Variants in CRTAC1 observed in about 807,000 individuals in gnomAD.
CRTAC1 encodes acidic secreted protein in cartilage.
In CRTAC1, 37 loss-of-function variants were observed where a neutral mutation model predicts 67.8. The ratio of observed to expected loss-of-function variants is 0.55; its 90% CI spans 0.42 to 0.72. The LOEUF is 0.72. CRTAC1 is among the 30% of genes least tolerant of loss of function. The probability of loss-of-function intolerance (pLI) is 0.00; values close to 1 mark genes in which losing one functional copy is unlikely to be tolerated. For missense variants in CRTAC1, 780 were observed against 931.6 expected, an observed-to-expected ratio of 0.84 and a Z score of 2.12; for synonymous variants, 348 against 371.0, an observed-to-expected ratio of 0.94 and a Z score of 0.71.
In CRTAC1 at chr10:98,008,416, A is replaced by AG. The variant is rs1164318871; in HGVS notation, c.224+2721dup. Among the ~76,000 whole-genome samples the AG allele has an allele frequency of 9.2e-4, 22 of 23,878 alleles. 1 individual carries two copies. The highest frequency in any genetic ancestry group is 3.5e-3 in the African/African-American group (22 of 6,202). The allele number at this position is 23,878 out of a possible 152,430, so 15.7% of individuals were successfully genotyped here. ...GAACCATGGGAAAAGAGTACAAAAG[A>AG]GTGGGGGGTGGGGTGGGGGGGCACC... On this transcript the variant is annotated intron_variant, in intron 2 of 14. Coordinates refer to ENST00000370597, the MANE Select transcript of CRTAC1 (RefSeq NM_018058.7).
chr10:97,983,553 A>G (rs934640060), intron 2 of CRTAC1, among the ~76,000 whole-genome samples: 13 of 152,222 alleles, frequency 8.5e-5, no homozygotes, highest in African/African-American at 3.1e-4. Flanking sequence ...AGAAATTTCA[A>G]GACACCAAGG....
chr10:97,978,768 C>G (rs1250092010), intron 2 of CRTAC1, among the ~76,000 whole-genome samples: 1 of 152,206 alleles, frequency 6.6e-6, no homozygotes, highest in Non-Finnish European at 1.5e-5. Flanking sequence ...GTCACTCACT[C>G]TGACTTGCTG....
At chr10:97,928,834 A>C (rs549195436) in intron 3 of CRTAC1, among the ~76,000 whole-genome samples, 4 of 152,118 alleles carry the variant, frequency 2.6e-5, no homozygotes, top group Admixed American at 2.6e-4. Flanking sequence ...TGGAGGAGGC[A>C]AAGCATGGCA....
At chr10:97,980,357 G>C (rs923677105) in intron 2 of CRTAC1, among the ~76,000 whole-genome samples, 1 of 152,172 alleles carries the variant, frequency 6.6e-6, no homozygotes, top group Non-Finnish European at 1.5e-5. Flanking sequence ...GCAAAGTTTG[G>C]ACATGGTCCA....
At chr10:97,884,578 G>A (rs1208224041) in intron 11 of CRTAC1, 19 of 513,606 alleles carry the variant, frequency 3.7e-5, no homozygotes, top group Non-Finnish European at 6.2e-5. Flanking sequence ...CATCTGTGCT[G>A]TCCAGTACAG....
At chr10:97,885,353 CA>C (rs1246520892) in intron 11 of CRTAC1, among the ~76,000 whole-genome samples, 5 of 152,030 alleles carry the variant, frequency 3.3e-5, no homozygotes, top group South Asian at 2.1e-4. Context: ...TAAAAACAAA[CA>C]AAAAACAACT....
chr10:97,947,491 C>T (rs779977188), intron 2 of CRTAC1, among the ~76,000 whole-genome samples: 10 of 152,128 alleles, frequency 6.6e-5, no homozygotes, highest in Admixed American at 1.3e-4. Context: ...TTAGGGAATA[C>T]GGGGTAGACT....
chr10:97,937,206 C>T (rs1208609135), intron 2 of CRTAC1, among the ~76,000 whole-genome samples: 1 of 152,236 alleles, frequency 6.6e-6, no homozygotes, highest in Non-Finnish European at 1.5e-5. Flanking sequence ...AAGCCCCAGG[C>T]ACTTTCTTGC....
At chr10:97,978,603 G>A (rs1160405582) in intron 2 of CRTAC1, among the ~76,000 whole-genome samples, 1 of 152,158 alleles carries the variant, frequency 6.6e-6, no homozygotes, top group Admixed American at 6.5e-5. Flanking sequence ...TGACACTGGA[G>A]TTGATGGCTT....
chr10:97,970,796 G>A (rs2051697028), intron 2 of CRTAC1, among the ~76,000 whole-genome samples: 1 of 152,236 alleles, frequency 6.6e-6, no homozygotes, highest in African/African-American at 2.4e-5. Context: ...TCTCTCCAAT[G>A]CCTAGATAGT....
chr10:97,892,114 G>A (rs896778091), intron 11 of CRTAC1, among the ~76,000 whole-genome samples: 5 of 152,084 alleles, frequency 3.3e-5, no homozygotes, highest in African/African-American at 1.2e-4. Context: ...AGTGTGGGGA[G>A]TAGGTGCCCA....
intron 2 of CRTAC1, among the ~76,000 whole-genome samples, chr10:97,960,058 C>A (rs2051502367): frequency 6.6e-6 from 1 of 152,204 alleles, no homozygotes; most frequent in African/African-American, 2.4e-5. Context: ...CAGAATGAAC[C>A]ACATTGTATG....
At position 97,915,448 on chromosome 10, in the gene CRTAC1, C is replaced by T. The variant is rs2136585398; in HGVS notation, c.715+2052G>A. Among the ~76,000 whole-genome samples the T allele has an allele frequency of 2.6e-5, 4 of 152,358 alleles. No homozygotes were observed. The South Asian group carries it at 8.3e-4, about 32-fold the overall frequency. The stretch of plus-strand genomic sequence containing the variant: ...CTGTGTGGCTTGGCTCCAGGGACCT[C>T]CCAGCTCCCTGAGTGCACATCTGGA... On this transcript the variant is annotated intron_variant, in intron 5 of 14. Coordinates refer to ENST00000370597, the MANE Select transcript of CRTAC1 (RefSeq NM_018058.7).
intron 13 of CRTAC1, among the ~76,000 whole-genome samples, chr10:97,882,582 G>C (rs12358787): frequency 6.6e-6 from 1 of 152,210 alleles, no homozygotes; most frequent in Non-Finnish European, 1.5e-5. Flanking sequence ...CAGTGATTCA[G>C]CCTGTGGGTC....
intron 2 of CRTAC1, among the ~76,000 whole-genome samples, chr10:97,987,304 A>T (rs510100): frequency 0.13 from 19,238 of 152,128 alleles, 1,298 homozygotes; most frequent in South Asian, 0.16. Flanking sequence ...ACTCATCTGT[A>T]TTCCTTTGTT....
At chr10:97,873,704 C>T (rs1172212014) in intron 14 of CRTAC1, among the ~76,000 whole-genome samples, 2 of 152,178 alleles carry the variant, frequency 1.3e-5, no homozygotes, top group Non-Finnish European at 2.9e-5. Flanking sequence ...AGAAGGAGAA[C>T]CAGCTAGCTT....
chr10:97,865,668 A>G lies in CRTAC1; in HGVS notation c.1866T>C (p.Ala622=). 1 of 1,610,124 alleles carries G rather than the reference A, an allele frequency of 6.2e-7. No individual in the cohort carries two copies. The highest frequency in any genetic ancestry group is 1.1e-5 in the South Asian group (1 of 90,510). The change falls in exon 15 of 15, where the codon GCT becomes GCC. Residue 622 remains alanine (A), a synonymous_variant. Transcript: ENST00000370597. ...SPGPRPTTPT[A]AAATAAAAAA... is the part of the protein sequence containing the mutation. ...CAGCAGCAGCGGCAGTGGCAGCAGC[A>G]GCGGTGGGGGTGGTGGGGCGGGGGC...
intron 2 of CRTAC1, among the ~76,000 whole-genome samples, chr10:98,001,271 T>C (rs1412116230): frequency 1.3e-5 from 2 of 152,164 alleles, no homozygotes; most frequent in Admixed American, 6.5e-5. Flanking sequence ...ATAAAGATTA[T>C]CATTTGAATA....
chr10:98,004,701 C>G (rs1842750736), intron 2 of CRTAC1, among the ~76,000 whole-genome samples: 2 of 151,532 alleles, frequency 1.3e-5, no homozygotes, highest in Non-Finnish European at 2.9e-5. Context: ...TACATCCATA[C>G]TAAGCAACTT....
Sources: allele counts gnomAD v4.1 joint callset (sites outside exome capture counted in the v4.1 genomes callset), GRCh38; gene constraint gnomAD v4.1.1; transcripts MANE v1.5; gene names NCBI Gene and HGNC (gene_info 2026-07-23, HGNC 2026-07-21).